Variants in TLN2 observed in about 807,000 individuals in gnomAD.
TLN2 encodes the protein talin 2.
A neutral mutation model predicts 294.7 loss-of-function variants in TLN2; 118 were observed. The observed-to-expected ratio is 0.40, with a 90% CI of 0.34 to 0.47. The LOEUF (loss-of-function observed/expected upper bound fraction) is 0.47, where lower values mean the gene tolerates loss of function less well. TLN2 is among the 20% of genes least tolerant of loss of function. TLN2 has a pLI of 0.84. For synonymous variants in TLN2, 1,431 were observed against 1,304.5 expected, an observed-to-expected ratio of 1.10 and a Z score of -2.09; for missense variants, 3,083 against 3,282.2, an observed-to-expected ratio of 0.94 and a Z score of 1.48.
intron 1 of TLN2, among the ~76,000 whole-genome samples, chr15:62,499,256 C>T (rs1218024639): frequency 1.3e-5 from 2 of 152,066 alleles, no homozygotes; most frequent in Non-Finnish European, 2.9e-5. Flanking sequence ...CAAGATCAGC[C>T]TGGGCAACAT....
At chr15:62,613,903 C>A (rs1330646029) in intron 2 of TLN2, among the ~76,000 whole-genome samples, 1 of 148,906 alleles carries the variant, frequency 6.7e-6, no homozygotes, top group African/African-American at 2.5e-5. Context: ...AAATAAAATT[C>A]TGGAAAAATG....
At chr15:62,416,675 A>G (rs1368479226) in intron 1 of TLN2, among the ~76,000 whole-genome samples, 1 of 152,172 alleles carries the variant, frequency 6.6e-6, no homozygotes, top group Non-Finnish European at 1.5e-5. Context: ...CTCTCAAGCC[A>G]TTGCGAGAGA....
At chr15:62,480,692 T>C (rs1168338925) in intron 1 of TLN2, among the ~76,000 whole-genome samples, 7 of 152,238 alleles carry the variant, frequency 4.6e-5, no homozygotes, top group Non-Finnish European at 1.0e-4. Flanking sequence ...TCCAGTCTTC[T>C]GGTCCTGCGT....
intron 44 of TLN2, 122 bp from the exon 45 acceptor site, chr15:62,783,648 CT>C (rs2064379745): frequency 2.1e-6 from 3 of 1,450,226 alleles, no homozygotes; most frequent in Non-Finnish European, 2.7e-6. Flanking sequence ...CCTTCACCCC[CT>C]CAGGAGCTTA....
chr15:62,520,177 CATG>C (rs1202818118), intron 1 of TLN2, among the ~76,000 whole-genome samples: 11 of 152,342 alleles, frequency 7.2e-5, no homozygotes, highest in Admixed American at 5.9e-4. Context: ...TGCTACAATT[CATG>C]ATGAGATTTG....
intron 1 of TLN2, among the ~76,000 whole-genome samples, chr15:62,458,110 A>G (rs879878051): frequency 3.9e-5 from 6 of 152,164 alleles, no homozygotes; most frequent in Non-Finnish European, 7.3e-5. Flanking sequence ...GTATGAGTCA[A>G]CGGTAGAGCC....
rs148308565 is a variant in TLN2 at position 62,562,645 on chromosome 15, C to T, written c.-237-27042C>T. Among the ~76,000 whole-genome samples, 302 of 151,910 alleles carry T rather than the reference C, an allele frequency of 2.0e-3. 3 individuals carry two copies. Among genetic ancestry groups the T allele is most frequent in the African/African-American group, 6.9e-3 (287 of 41,386 alleles). On this transcript the variant is annotated intron_variant, in intron 1 of 58. Transcript: ENST00000636159. ...TCTGAGATTTTGGTGCACCCATCAC[C>T]GGAGCAGTATACAGTGAACCCAATT...
intron 43 of TLN2, among the ~76,000 whole-genome samples, chr15:62,777,410 C>T: frequency 6.6e-6 from 1 of 152,048 alleles, no homozygotes; most frequent in Non-Finnish European, 1.5e-5. Flanking sequence ...GTTGCGCATG[C>T]CCATAATCCC....
chr15:62,551,308 G>A (rs1218131137), intron 1 of TLN2, among the ~76,000 whole-genome samples: 1 of 152,114 alleles, frequency 6.6e-6, no homozygotes, highest in Non-Finnish European at 1.5e-5. Context: ...CCTGGGGATT[G>A]GGGACCCCTG....
chr15:62,741,456 A>C (rs2061315146), intron 32 of TLN2, among the ~76,000 whole-genome samples: 1 of 152,128 alleles, frequency 6.6e-6, no homozygotes, highest in Non-Finnish European at 1.5e-5. Context: ...TGGTATGTGG[A>C]GCACTGCAGT....
intron 1 of TLN2, among the ~76,000 whole-genome samples, chr15:62,435,976 T>C (rs758753421): frequency 6.6e-6 from 1 of 152,222 alleles, no homozygotes; most frequent in African/African-American, 2.4e-5. Context: ...TTTATGAATT[T>C]TGGATTTTGT....
At chr15:62,687,733 G>C (rs2057407890) in intron 12 of TLN2, 2 of 152,084 alleles carry the variant, frequency 1.3e-5, no homozygotes, top group Non-Finnish European at 2.9e-5. Context: ...TGTAAAGAAG[G>C]GGCCATGGAA....
intron 33 of TLN2, 96 bp downstream of exon 33, chr15:62,748,540 C>G: frequency 9.9e-7 from 1 of 1,009,562 alleles, no homozygotes; most frequent in Non-Finnish European, 1.5e-6. Context: ...TCTGTTCTTT[C>G]CCTATAGGGC....
chr15:62,398,398 C>G (rs1351251368), intron 1 of TLN2, among the ~76,000 whole-genome samples: 1 of 152,008 alleles, frequency 6.6e-6, no homozygotes, highest in Non-Finnish European at 1.5e-5. Context: ...TTATAAATTA[C>G]CCAGTCTTGG....
At chr15:62,713,284 A>AC (rs1038599883) in intron 22 of TLN2, among the ~76,000 whole-genome samples, 13 of 144,512 alleles carry the variant, frequency 9.0e-5, no homozygotes, top group African/African-American at 2.4e-4. Flanking sequence ...AAAAAAAAAA[A>AC]AAAAACAAAA....
chr15:62,427,281 T>C (rs998909130), intron 1 of TLN2, among the ~76,000 whole-genome samples: 3 of 152,312 alleles, frequency 2.0e-5, no homozygotes, highest in Admixed American at 6.5e-5. Flanking sequence ...TCCTGGGAAC[T>C]GTGGGAGTAG....
intron 1 of TLN2, among the ~76,000 whole-genome samples, chr15:62,552,788 A>G (rs2042395642): frequency 6.6e-6 from 1 of 152,242 alleles, no homozygotes; most frequent in South Asian, 2.1e-4. Context: ...AAGCAATATT[A>G]TGTATTGATT....
At chr15:62,508,475 A>G (rs1174199815) in intron 1 of TLN2, among the ~76,000 whole-genome samples, 1 of 152,186 alleles carries the variant, frequency 6.6e-6, no homozygotes. Context: ...TCGGCCTCCC[A>G]AAGTGCTGGG....
chr15:62,412,454 G>A (rs1215135865), intron 1 of TLN2, among the ~76,000 whole-genome samples: 1 of 152,172 alleles, frequency 6.6e-6, no homozygotes, highest in African/African-American at 2.4e-5. Flanking sequence ...CTGTCCTTCT[G>A]TTAATGTTGA....
Sources: gnomAD v4.1 joint callset for allele counts (sites outside exome capture counted in the v4.1 genomes callset) on GRCh38, gnomAD v4.1.1 for gene constraint, MANE v1.5 for transcripts, NCBI Gene and HGNC (gene_info 2026-07-23, HGNC 2026-07-21) for gene names.